Variants in PIK3C3 observed in about 807,000 individuals in gnomAD.
PIK3C3 encodes PI3-kinase type 3.
Under a neutral mutation model 126.1 loss-of-function variants are expected in PIK3C3, and 95 were observed. That is an observed-to-expected ratio of 0.75 (90% CI 0.64 to 0.89). The LOEUF is 0.89. Among genes scored for constraint, PIK3C3 ranks in the 40% least tolerant of loss-of-function variants. PIK3C3 has a pLI of 0.00. For synonymous variants in PIK3C3, 374 were observed against 360.0 expected (o/e 1.04, Z -0.44); for missense variants, 829 against 1,063.2 (o/e 0.78, Z 3.06).
chr18:42,034,138 T>C (rs1024829464), intron 16 of PIK3C3, among the ~76,000 whole-genome samples, 181 bp downstream of exon 16: 3 of 152,242 alleles, frequency 2.0e-5, no homozygotes, highest in Non-Finnish European at 4.4e-5. Context: ...AGATCTTCTT[T>C]TGTTACCGGT....
chr18:42,009,641 AAT>A (rs1269398535), intron 10 of PIK3C3, among the ~76,000 whole-genome samples: 5 of 147,566 alleles, frequency 3.4e-5, no homozygotes, highest in East Asian at 2.0e-4. Context: ...TACATTATGT[AAT>A]GCTTACATTA....
chr18:41,969,777 G>A (rs377251691), intron 3 of PIK3C3, among the ~76,000 whole-genome samples: 1 of 152,070 alleles, frequency 6.6e-6, no homozygotes, highest in East Asian at 1.9e-4. Context: ...CAGTTACCTT[G>A]TGGGATACAA....
At chr18:42,074,256 G>T (rs914178821) in intron 24 of PIK3C3, among the ~76,000 whole-genome samples, 1 of 152,142 alleles carries the variant, frequency 6.6e-6, no homozygotes, top group Non-Finnish European at 1.5e-5. Flanking sequence ...AGCAAAGCTA[G>T]TTCTGTTTTA....
At chr18:41,982,443 A>T (rs1038220341) in intron 4 of PIK3C3, among the ~76,000 whole-genome samples, 1 of 152,166 alleles carries the variant, frequency 6.6e-6, no homozygotes, top group African/African-American at 2.4e-5. Context: ...CAGGTGGTTA[A>T]GTTAAATTAA....
At chr18:41,958,428 T>C (rs1406442989) in intron 2 of PIK3C3, among the ~76,000 whole-genome samples, 1 of 152,170 alleles carries the variant, frequency 6.6e-6, no homozygotes, top group African/African-American at 2.4e-5. Flanking sequence ...ACACAGGCTG[T>C]ATGCTTTTAA....
chr18:42,047,741 G>C (rs1984621015), intron 20 of PIK3C3, among the ~76,000 whole-genome samples: 1 of 152,206 alleles, frequency 6.6e-6, no homozygotes, highest in African/African-American at 2.4e-5. Flanking sequence ...AAATGGAATT[G>C]TGGCTGCTGC....
chr18:42,040,451 A>G (rs1052546128), intron 18 of PIK3C3, among the ~76,000 whole-genome samples: 3 of 152,116 alleles, frequency 2.0e-5, no homozygotes, highest in African/African-American at 7.2e-5. Context: ...AAATTAGCCT[A>G]GAGAAACATA....
intron 5 of PIK3C3, 130 bp from the exon 6 acceptor site, chr18:41,990,329 A>T: frequency 1.6e-6 from 1 of 635,366 alleles, no homozygotes. Flanking sequence ...TAATAAAATA[A>T]AAATGTGTTA....
At chr18:41,991,211 A>G (rs1204728745) in intron 6 of PIK3C3, among the ~76,000 whole-genome samples, 1 of 152,156 alleles carries the variant, frequency 6.6e-6, no homozygotes, top group Non-Finnish European at 1.5e-5. Flanking sequence ...ATAATTATAT[A>G]TTTAAGTACT....
chr18:41,965,643 T>C (rs1250519615), intron 3 of PIK3C3, among the ~76,000 whole-genome samples: 1 of 152,152 alleles, frequency 6.6e-6, no homozygotes, highest in Non-Finnish European at 1.5e-5. Context: ...TGAACCACAT[T>C]TTGAGAAGCA....
At chr18:42,016,784 G>A (rs2144410422) in intron 12 of PIK3C3, among the ~76,000 whole-genome samples, 1 of 152,040 alleles carries the variant, frequency 6.6e-6, no homozygotes, top group Non-Finnish European at 1.5e-5. Context: ...ATTGGATCCA[G>A]GAGAGAATTG....
intron 11 of PIK3C3, among the ~76,000 whole-genome samples, chr18:42,013,875 G>A (rs777558539): frequency 3.3e-5 from 5 of 152,010 alleles, no homozygotes; most frequent in South Asian, 2.1e-4. Flanking sequence ...ATGTGTCTCC[G>A]GTTTCTTAAG....
At chr18:41,977,732 G>A (rs75591831) in intron 4 of PIK3C3, among the ~76,000 whole-genome samples, 2 of 152,128 alleles carry the variant, frequency 1.3e-5, no homozygotes, top group Non-Finnish European at 2.9e-5. Context: ...TGATCAACCC[G>A]CCTCGGCCTC....
chr18:42,040,830 TCTC>T (rs1984280925), intron 19 of PIK3C3, 89 bp downstream of exon 19: 6 of 824,564 alleles, frequency 7.3e-6, no homozygotes, highest in Non-Finnish European at 9.8e-6. Context: ...AAAATGAAAG[TCTC>T]CTTTTATCAT....
chr18:42,046,563 A>G (rs1233720995), intron 20 of PIK3C3, among the ~76,000 whole-genome samples: 1 of 152,170 alleles, frequency 6.6e-6, no homozygotes, highest in Non-Finnish European at 1.5e-5. Context: ...TAAAAAAACT[A>G]ACAACATTGT....
At chr18:42,051,513 G>A (rs1278643947) in intron 21 of PIK3C3, among the ~76,000 whole-genome samples, 4 of 151,908 alleles carry the variant, frequency 2.6e-5, no homozygotes, top group East Asian at 3.9e-4. Context: ...AATTTGGAAT[G>A]TCATATATTC....
intron 7 of PIK3C3, among the ~76,000 whole-genome samples, chr18:41,995,037 CAAAA>C (rs34782857): frequency 2.0e-5 from 3 of 151,468 alleles, no homozygotes; most frequent in Non-Finnish European, 2.9e-5. Flanking sequence ...GATCCTGTCT[CAAAA>C]AAAGAAACCA....
intron 23 of PIK3C3, 110 bp from the exon 24 acceptor site, chr18:42,067,278 C>A: frequency 1.1e-6 from 1 of 933,228 alleles, no homozygotes; most frequent in Non-Finnish European, 1.7e-6. Flanking sequence ...CATTTATTTG[C>A]CATAGGAATA....
intron 17 of PIK3C3, among the ~76,000 whole-genome samples, chr18:42,038,043 T>G (rs1984136159): frequency 6.6e-6 from 1 of 152,312 alleles, no homozygotes; most frequent in Admixed American, 6.5e-5. Flanking sequence ...TCCATTAATT[T>G]TTTTTCCAAA....
Sources: gnomAD v4.1 joint callset for allele counts (sites outside exome capture counted in the v4.1 genomes callset) on GRCh38, gnomAD v4.1.1 for gene constraint, MANE v1.5 for transcripts, NCBI Gene and HGNC (gene_info 2026-07-23, HGNC 2026-07-21) for gene names.